The following NLN variants were observed in gnomAD, a reference collection of about 807,000 sequenced individuals.
NLN encodes neurolysin, mitochondrial.
A neutral mutation model predicts 79.9 loss-of-function variants in NLN; 64 were observed. The observed-to-expected ratio is 0.80, with a 90% CI of 0.65 to 0.99. NLN has a LOEUF of 0.99. NLN is among the 50% of genes least tolerant of loss of function. The pLI is 0.00. For synonymous variants in NLN, 267 were observed against 296.6 expected (o/e 0.90, Z 1.02); for missense variants, 835 against 858.7 (o/e 0.97, Z 0.34).
At chr5:65,743,702 A>G (rs1238542383) in intron 1 of NLN, among the ~76,000 whole-genome samples, 2 of 152,220 alleles carry the variant, frequency 1.3e-5, no homozygotes, top group African/African-American at 2.4e-5. Context: ...AGCAGCCACC[A>G]ATATTCAGAA....
intron 9 of NLN, among the ~76,000 whole-genome samples, chr5:65,803,172 G>C (rs563401908): frequency 2.0e-5 from 3 of 152,214 alleles, no homozygotes; most frequent in African/African-American, 7.2e-5. Context: ...AGGACTGGCA[G>C]CCTGGCCCCC....
At position 65,722,342 on chromosome 5, in the gene NLN, G is replaced by A; in HGVS notation, c.-32G>A. The A allele has an allele frequency of 6.5e-7, 1 of 1,533,432 alleles. No individual in the cohort carries two copies. Among genetic ancestry groups the A allele is most frequent in the African/African-American group, 1.4e-5 (1 of 69,798 alleles). The allele number at this position is 1,533,432 out of a possible 1,614,324, so 95.0% of individuals were successfully genotyped here. A position where few individuals can be genotyped will look rare whatever the true frequency, so the allele number is the denominator to read the frequency against. ...TCGCCGCCCCACGCCGAAGGACCACGCGCCCGCCGCCGCCAGCCTCTCAGC... is the reference window on the plus strand; with the variant it reads ...TCGCCGCCCCACGCCGAAGGACCACACGCCCGCCGCCGCCAGCCTCTCAGC... On this transcript the variant is annotated 5_prime_UTR_variant, in exon 1 of 13. Coordinates refer to ENST00000380985, the MANE Select transcript of NLN (RefSeq NM_020726.5).
rs769634832 is a variant in NLN, at chr5:65,785,918, CTTT to C, written c.958+18_958+20del. On this transcript the variant is annotated intron_variant, in intron 7 of 12. Coordinates refer to ENST00000380985, the MANE Select transcript of NLN (RefSeq NM_020726.5). ...GCGTAACAGCCTTTCTAGGTTAGTTCTTTTTTTTTTTTCTATGACTGTTTTGCT... is the reference window on the plus strand; with the variant it reads ...GCGTAACAGCCTTTCTAGGTTAGTTCTTTTTTTTTCTATGACTGTTTTGCT... 4 of 1,261,980 alleles carry C rather than the reference CTTT, an allele frequency of 3.2e-6. No homozygotes were observed. Among genetic ancestry groups the C allele is most frequent in the South Asian group, 1.4e-5 (1 of 69,640 alleles). 78.2% of individuals were successfully genotyped at this position (1,261,980 alleles called of 1,614,324 possible). A position where few individuals can be genotyped will look rare whatever the true frequency, so the allele number is the denominator to read the frequency against.
chr5:65,809,520 T>C lies in NLN; in HGVS notation c.1533T>C (p.Asp511=), dbSNP rs758045819. 6.3e-7 allele frequency: 1 copy of C among 1,595,412 alleles called. No homozygotes were observed. The highest frequency in any genetic ancestry group is 1.4e-5 in the African/African-American group (1 of 73,782). ...HVMHQICAQT[D]FARFSGTNVE... ...TCTCTGTGTTTGCTTTCTAGACTGATTTTGCACGATTTAGCGGAACAAATG... is the reference window on the plus strand; with the variant it reads ...TCTCTGTGTTTGCTTTCTAGACTGACTTTGCACGATTTAGCGGAACAAATG... Residue 511 remains aspartate, a synonymous_variant, in exon 10 of 13, where the codon GAT becomes GAC. Coordinates refer to ENST00000380985, the MANE Select transcript of NLN (RefSeq NM_020726.5).
intron 9 of NLN, among the ~76,000 whole-genome samples, chr5:65,808,695 C>T (rs1329768566): frequency 2.0e-5 from 3 of 152,124 alleles, no homozygotes; most frequent in Non-Finnish European, 2.9e-5. Flanking sequence ...TTAGCTCAGG[C>T]CTTCAGAATA....
At chr5:65,773,415 G>A (rs1453325090) in intron 3 of NLN, among the ~76,000 whole-genome samples, 1 of 150,638 alleles carries the variant, frequency 6.6e-6, no homozygotes, top group Non-Finnish European at 1.5e-5. Flanking sequence ...TTATAGGCGT[G>A]AGCCACTGTG....
rs763035599 is a variant in NLN at position 65,758,646 on chromosome 5, A to G, written c.121A>G (p.Thr41Ala). The G allele has an allele frequency of 4.3e-6, 7 of 1,613,116 alleles. No homozygotes were observed. The highest frequency in any genetic ancestry group is 4.5e-5 in the East Asian group (2 of 44,868). ...MSPLQAMSSY[T>A]VAGRNVLRWD... ...TCCTCTTCAGGCAATGTCTTCCTAT[A>G]CTGTGGCTGGCAGAAATGTTTTAAG... is the stretch of plus-strand genomic sequence containing the variant. The change falls in exon 2 of 13, where the codon ACT becomes GCT. Residue 41 changes from threonine (T) to alanine (A), a missense_variant. By Grantham distance (58) the Thr-to-Ala change is moderately conservative (BLOSUM62 0). Coordinates refer to ENST00000380985, the MANE Select transcript of NLN (RefSeq NM_020726.5).
chr5:65,775,847 G>A (rs1759668437), intron 3 of NLN, among the ~76,000 whole-genome samples: 1 of 152,232 alleles, frequency 6.6e-6, no homozygotes, highest in South Asian at 2.1e-4. Flanking sequence ...AAATTCTCCA[G>A]GGATACAAAG....
In NLN at chr5:65,785,417, G is replaced by A. The variant is rs530166385; in HGVS notation, c.823-358G>A. The stretch of plus-strand genomic sequence containing the variant: ...ATGTGTATTTTACCACAATAAAAAT[G>A]TCCAAAGGAACTGAAAGTACCAATA... On this transcript the variant is annotated intron_variant, in intron 6 of 12. Coordinates refer to ENST00000380985, the MANE Select transcript of NLN (RefSeq NM_020726.5). Among the ~76,000 whole-genome samples, 3 of 152,202 alleles carry A rather than the reference G, an allele frequency of 2.0e-5. No homozygotes were observed. The South Asian group carries it at 6.2e-4, about 32-fold the overall frequency.
chr5:65,722,700 C>T, intron 1 of NLN: 1 of 464,462 alleles, frequency 2.2e-6, no homozygotes, highest in Admixed American at 4.3e-5. Context: ...AAAATGAATG[C>T]AAATAGTTTG....
At chr5:65,777,573 T>G in intron 4 of NLN, 39 bp downstream of exon 4, 1 of 1,257,606 alleles carries the variant, frequency 8.0e-7, no homozygotes, top group East Asian at 2.4e-5. Context: ...AAAAAAAAAA[T>G]GAATAAATAA....
chr5:65,809,704 A>G lies in NLN; in HGVS notation c.1714+3A>G, dbSNP rs1210268967. The G allele has an allele frequency of 2.6e-6, 4 of 1,563,918 alleles. No individual in the cohort carries two copies. Among genetic ancestry groups the G allele is most frequent in the Non-Finnish European group, 3.5e-6 (4 of 1,158,500 alleles). On this transcript the variant is annotated splice_donor_region_variant and intron_variant, in intron 10 of 12. Transcript: ENST00000380985. ...TGCTTCTAGGCTGGTCAACACAGGT[A>G]TGACTTCTAATTTTAAAAAGGAAAA...
intron 12 of NLN, 91 bp downstream of exon 12, chr5:65,812,482 A>T (rs1760575604): frequency 2.3e-6 from 2 of 851,630 alleles, no homozygotes; most frequent in Non-Finnish European, 3.7e-6. Flanking sequence ...TCTAGATTTT[A>T]CTGTAAGAGG....
At chr5:65,766,373 G>A (rs1022626588) in intron 3 of NLN, among the ~76,000 whole-genome samples, 1 of 152,154 alleles carries the variant, frequency 6.6e-6, no homozygotes, top group African/African-American at 2.4e-5. Context: ...CATGATGTCA[G>A]GAGAGAGAGC....
chr5:65,819,605 G>C (rs569824374), intron 12 of NLN, among the ~76,000 whole-genome samples: 4 of 152,204 alleles, frequency 2.6e-5, no homozygotes, highest in Admixed American at 6.5e-5. Context: ...CCATAGGAAA[G>C]CTCTAGTTTT....
At chr5:65,722,490 C>A in intron 1 of NLN, 76 bp downstream of exon 1, 1 of 1,316,440 alleles carries the variant, frequency 7.6e-7, no homozygotes, top group Non-Finnish European at 1.1e-6. Flanking sequence ...GGAGCCCGGA[C>A]CCACCCCTTC....
intron 1 of NLN, among the ~76,000 whole-genome samples, chr5:65,735,691 A>G (rs1285221705): frequency 1.3e-5 from 2 of 152,156 alleles, no homozygotes; most frequent in East Asian, 3.8e-4. Flanking sequence ...GTCATACTTC[A>G]GTTTGCAATT....
chr5:65,795,209 G>A (rs1244068475), intron 9 of NLN, among the ~76,000 whole-genome samples: 1 of 152,042 alleles, frequency 6.6e-6, no homozygotes, highest in South Asian at 2.1e-4. Context: ...AAAAAAATTA[G>A]CTGGGTGCGG....
At chr5:65,776,254 A>G (rs1759677642) in intron 3 of NLN, among the ~76,000 whole-genome samples, 1 of 152,258 alleles carries the variant, frequency 6.6e-6, no homozygotes. Flanking sequence ...ACTGTCTCCA[A>G]AAAAATAAAA....
Sources: allele counts gnomAD v4.1 joint callset (sites outside exome capture counted in the v4.1 genomes callset), GRCh38; gene constraint gnomAD v4.1.1; transcripts MANE v1.5; gene names NCBI Gene and HGNC (gene_info 2026-07-23, HGNC 2026-07-21).